GGA3: variants seen among roughly 807,000 people sequenced by gnomAD.
The protein encoded by GGA3 is golgi associated, gamma adaptin ear containing, ARF binding protein 3.
A neutral mutation model predicts 77.5 loss-of-function variants in GGA3; 57 were observed. The observed-to-expected ratio is 0.74, with a 90% CI of 0.59 to 0.92. GGA3 has a LOEUF of 0.92. GGA3 is among the 40% of genes least tolerant of loss of function. The pLI, the probability that GGA3 is intolerant of heterozygous loss-of-function variation, is 0.00. For missense variants in GGA3, 970 were observed against 914.9 expected (o/e 1.06, Z -0.78); for synonymous variants, 416 against 383.7 (o/e 1.08, Z -0.98).
chr17:75,259,607 C>A (rs1009813014), intron 1 of GGA3, among the ~76,000 whole-genome samples: 1 of 152,126 alleles, frequency 6.6e-6, no homozygotes, highest in African/African-American at 2.4e-5. Context: ...CACAAGTGCG[C>A]TTCTGGGAGC....
chr17:75,238,212 C>T lies in GGA3; in HGVS notation c.*67G>A. ...TGTCAGGGCATGGAGAGTGACGGGA[C>T]CAGAGCCCTCCTCGTCTCAGGGCAG... On this transcript the variant is annotated 3_prime_UTR_variant, in exon 17 of 17. Transcript: ENST00000537686. 1.9e-6 allele frequency: 3 copies of T among 1,581,838 alleles called. No homozygotes were observed. Among genetic ancestry groups the T allele is most frequent in the Non-Finnish European group, 2.6e-6 (3 of 1,161,762 alleles).
At chr17:75,244,288 G>A (rs931643557) in intron 4 of GGA3, 19 of 263,266 alleles carry the variant, frequency 7.2e-5, no homozygotes, top group South Asian at 3.8e-4. Context: ...CCGTATCCAC[G>A]TGACACAGGC....
chr17:75,241,438 T>C lies in GGA3; in HGVS notation c.908A>G (p.Asn303Ser), dbSNP rs140876727. The C allele has an allele frequency of 1.3e-5, 21 of 1,613,802 alleles. No homozygotes were observed. The highest frequency in any genetic ancestry group is 9.3e-5 in the African/African-American group (7 of 74,894). Residue 303 changes from asparagine (N) to serine (S), a missense_variant, in exon 10 of 17, where the codon AAT becomes AGT. Asn to Ser is a conservative substitution (Grantham distance 46). Transcript: ENST00000537686. ...CAGGGTTAAGGTAGCCACCTCGCCATTGATGACCTGCCCTTCAATAATTGT... is the reference window on the plus strand; with the variant it reads ...CAGGGTTAAGGTAGCCACCTCGCCACTGATGACCTGCCCTTCAATAATTGT... ...YKTIIEGQVI[N>S]GEVATLTLPD...
At position 75,237,616 on chromosome 17, in the gene GGA3, C is replaced by A; in HGVS notation, c.*663G>T. Reference sequence around the variant, plus strand: ...TCATGAGGCCAAATTCCATGTCCTGCCAAGATGTCCATAGGACACAGCCTG... The same window carrying A: ...TCATGAGGCCAAATTCCATGTCCTGACAAGATGTCCATAGGACACAGCCTG... On this transcript the variant is annotated 3_prime_UTR_variant, in exon 17 of 17. Coordinates refer to ENST00000537686, the MANE Select transcript of GGA3 (RefSeq NM_138619.4). The A allele has an allele frequency of 6.5e-7, 1 of 1,527,392 alleles. No homozygotes were observed. The highest frequency in any genetic ancestry group is 2.0e-5 in the Admixed American group (1 of 50,612). The allele number at this position is 1,527,392 out of a possible 1,614,324, so 94.6% of individuals were successfully genotyped here. A position where few individuals can be genotyped will look rare whatever the true frequency, so the allele number is the denominator to read the frequency against.
Position 75,243,099 on chromosome 17 carries a change from G to A in GGA3, c.492C>T (p.Pro164=). Residue 164 remains proline, a synonymous_variant, in exon 6 of 17, where the codon CCC becomes CCT. Coordinates refer to ENST00000537686, the MANE Select transcript of GGA3 (RefSeq NM_138619.4). The part of the protein sequence containing the change: ...RTLIPSPPPR[P]KNPVFDDEEK... ...CCTCATCATCAAAAACAGGGTTTTT[G>A]GGACGAGGTGGTGGAGAGGGGATCA... 1 of 1,613,496 alleles carries A rather than the reference G, an allele frequency of 6.2e-7. No individual in the cohort carries two copies. Among genetic ancestry groups the A allele is most frequent in the South Asian group, 1.1e-5 (1 of 91,008 alleles).
upstream of GGA3, chr17:75,261,960 G>T: frequency 6.2e-7 from 1 of 1,607,170 alleles, no homozygotes. Context: ...TGGGCGTGCG[G>T]CGGGCTGTCT....
Position 75,237,365 on chromosome 17 carries a change from A to G in GGA3, c.*914T>C, listed in dbSNP as rs879094647. 3.2e-6 allele frequency: 3 copies of G among 923,136 alleles called. No homozygotes were observed. In the South Asian group the frequency reaches 4.2e-5, roughly 13 times the overall value. 57.2% of individuals were successfully genotyped at this position (923,136 alleles called of 1,614,324 possible). On this transcript the variant is annotated 3_prime_UTR_variant, in exon 17 of 17. Transcript: ENST00000537686. ...TGTCCAGCCACAGGTGCCACACCAC[A>G]TGCCATCTGGTGAGAGGAGAGGGAG...
chr17:75,244,003 T>C (rs2076667472), intron 4 of GGA3, among the ~76,000 whole-genome samples: 2 of 152,114 alleles, frequency 1.3e-5, no homozygotes. Context: ...CCTTACTACC[T>C]TGGGGACATC....
At chr17:75,245,579 C>CAACG (rs369419057) in intron 3 of GGA3, among the ~76,000 whole-genome samples, 302 of 152,166 alleles carry the variant, frequency 2.0e-3, no homozygotes, top group African/African-American at 6.8e-3. Context: ...GGCTAGAGTG[C>CAACG]AACGGTGTGA....
Position 75,237,572 on chromosome 17 carries a change from C to A in GGA3, c.*707G>T. 1 of 1,535,648 alleles carries A rather than the reference C, an allele frequency of 6.5e-7. No individual in the cohort carries two copies. The highest frequency in any genetic ancestry group is 8.7e-7 in the Non-Finnish European group (1 of 1,146,578). Reference sequence around the variant, plus strand: ...ATACTGGCTCTCTTCATTTTCCTTCCTATCCCTAGTTGGGCCTGTCATGAG... The same window carrying A: ...ATACTGGCTCTCTTCATTTTCCTTCATATCCCTAGTTGGGCCTGTCATGAG... On this transcript the variant is annotated 3_prime_UTR_variant, in exon 17 of 17. Coordinates refer to ENST00000537686, the MANE Select transcript of GGA3 (RefSeq NM_138619.4).
chr17:75,241,061 G>C lies in GGA3; in HGVS notation c.947-4C>G, dbSNP rs766665100. ...TGGTTACTGCACTGACTGTTTCCTG[G>C]ATGGGTCAACAGAGCAGAACAGGAA... On this transcript the variant is annotated splice_region_variant and splice_polypyrimidine_tract_variant and intron_variant, in intron 10 of 16. Coordinates refer to ENST00000537686, the MANE Select transcript of GGA3 (RefSeq NM_138619.4). The C allele has an allele frequency of 6.2e-7, 1 of 1,614,086 alleles. No individual in the cohort carries two copies. Among genetic ancestry groups the C allele is most frequent in the Non-Finnish European group, 8.5e-7 (1 of 1,179,992 alleles).
chr17:75,237,540 A>G lies in GGA3; in HGVS notation c.*739T>C. 2 of 1,535,952 alleles carry G rather than the reference A, an allele frequency of 1.3e-6. No individual in the cohort carries two copies. Among genetic ancestry groups the G allele is most frequent in the South Asian group, 2.4e-5 (2 of 84,058 alleles). On this transcript the variant is annotated 3_prime_UTR_variant, in exon 17 of 17. Transcript: ENST00000537686. Reference sequence around the variant, plus strand: ...AAAGCTGAGTACCTGCTTCTGGAGAAGGGGAAATACTGGCTCTCTTCATTT... The same window carrying G: ...AAAGCTGAGTACCTGCTTCTGGAGAGGGGGAAATACTGGCTCTCTTCATTT...
chr17:75,251,208 G>A (rs570377890), intron 1 of GGA3, among the ~76,000 whole-genome samples: 9 of 152,162 alleles, frequency 5.9e-5, no homozygotes, highest in African/African-American at 2.2e-4. Flanking sequence ...CAATCACCAA[G>A]TCTTTGTTAA....
chr17:75,241,722 C>G (rs2076567204), intron 8 of GGA3, 26 bp from the exon 9 acceptor site: 1 of 1,594,042 alleles, frequency 6.3e-7, no homozygotes, highest in Non-Finnish European at 8.6e-7. Context: ...ACATAAAAAT[C>G]AAACCACAAA....
intron 1 of GGA3, among the ~76,000 whole-genome samples, chr17:75,261,325 C>A (rs565944993): frequency 6.2e-4 from 94 of 152,384 alleles, no homozygotes; most frequent in African/African-American, 2.1e-3. Context: ...CGCCGCCGCG[C>A]GCCAGAGCAA....
intron 1 of GGA3, among the ~76,000 whole-genome samples, chr17:75,252,327 C>A (rs950531554): frequency 6.6e-6 from 1 of 151,720 alleles, no homozygotes; most frequent in Non-Finnish European, 1.5e-5. Flanking sequence ...TGGGCTCAGG[C>A]GATGCTCCCA....
At chr17:75,242,804 G>T in intron 7 of GGA3, 27 bp downstream of exon 7, 1 of 1,569,576 alleles carries the variant, frequency 6.4e-7, no homozygotes, top group African/African-American at 1.3e-5. Context: ...CCTCCACCCC[G>T]TGCCTGAAGG....
chr17:75,242,064 A>C, intron 8 of GGA3: 1 of 558,532 alleles, frequency 1.8e-6, no homozygotes, highest in East Asian at 3.0e-5. Context: ...GGAAAGGGAG[A>C]GAGCAGGGGT....
chr17:75,246,426 C>T (rs1598412522), intron 3 of GGA3, 83 bp downstream of exon 3: 1 of 924,706 alleles, frequency 1.1e-6, no homozygotes, highest in Non-Finnish European at 1.8e-6. Context: ...GGCAGGAGCC[C>T]TAAGAACCGC....
Sources: gnomAD v4.1 joint callset for allele counts (sites outside exome capture counted in the v4.1 genomes callset) on GRCh38, gnomAD v4.1.1 for gene constraint, MANE v1.5 for transcripts, NCBI Gene and HGNC (gene_info 2026-07-23, HGNC 2026-07-21) for gene names.